Variants in ITGB5 observed in about 807,000 individuals in gnomAD.
The protein encoded by ITGB5 is integrin beta-5.
Under a neutral mutation model 84.8 loss-of-function variants are expected in ITGB5, and 38 were observed. The observed-to-expected ratio is 0.45, with a 90% CI of 0.35 to 0.59. ITGB5 has a LOEUF of 0.59. Among genes scored for constraint, ITGB5 ranks in the 20% least tolerant of loss-of-function variants. ITGB5 has a pLI of 0.01. For synonymous variants in ITGB5, 393 were observed against 414.4 expected (o/e 0.95, Z 0.63); for missense variants, 905 against 1,034.5 (o/e 0.87, Z 1.72).
intron 2 of ITGB5, among the ~76,000 whole-genome samples, chr3:124,864,683 T>TA (rs1295506368): frequency 6.6e-6 from 1 of 151,924 alleles, no homozygotes. Flanking sequence ...GCTCACTACT[T>TA]AGAGTGCAAT....
intron 2 of ITGB5, among the ~76,000 whole-genome samples, chr3:124,869,365 C>T (rs2065442163): frequency 6.6e-6 from 1 of 152,072 alleles, no homozygotes; most frequent in African/African-American, 2.4e-5. Flanking sequence ...CACTTGAGCC[C>T]AGGAGTTTGA....
chr3:124,817,525 A>G (rs2064623218), intron 8 of ITGB5, 96 bp downstream of exon 8: 3 of 643,648 alleles, frequency 4.7e-6, no homozygotes, highest in Non-Finnish European at 8.2e-6. Context: ...GAAGAGCAGC[A>G]CGGAGAACTG....
chr3:124,851,309 A>C (rs2107607359), intron 3 of ITGB5, among the ~76,000 whole-genome samples: 1 of 152,282 alleles, frequency 6.6e-6, no homozygotes, highest in East Asian at 1.9e-4. Context: ...AGGGATTAAA[A>C]GAGATAAACA....
intron 5 of ITGB5, among the ~76,000 whole-genome samples, chr3:124,838,107 T>C (rs1025416060): frequency 3.3e-5 from 5 of 151,510 alleles, no homozygotes; most frequent in East Asian, 1.9e-4. Flanking sequence ...GGAATACAAA[T>C]GCAACAAGAC....
intron 10 of ITGB5, among the ~76,000 whole-genome samples, chr3:124,786,056 C>T (rs1288511032): frequency 1.3e-5 from 2 of 152,108 alleles, no homozygotes; most frequent in Admixed American, 1.3e-4. Context: ...TTCAATTTTC[C>T]CCAATGTAAA....
chr3:124,767,328 C>CT lies in ITGB5; in HGVS notation c.2018-984dup, dbSNP rs1372084327. Among the ~76,000 whole-genome samples the CT allele has an allele frequency of 2.6e-5, 4 of 152,198 alleles. No homozygotes were observed. The South Asian group carries it at 6.2e-4, about 24-fold the overall frequency. Reference sequence around the variant, plus strand: ...TGGTTATCAGACACGAAAGCCTGGACTTTCTGTCTCAGCTCCCTTCTGGGC... The same window carrying CT: ...TGGTTATCAGACACGAAAGCCTGGACTTTTCTGTCTCAGCTCCCTTCTGGGC... On this transcript the variant is annotated intron_variant, in intron 12 of 14. Coordinates refer to ENST00000296181, the MANE Select transcript of ITGB5 (RefSeq NM_002213.5).
chr3:124,766,453 G>T (rs368511687), intron 12 of ITGB5, 108 bp from the exon 13 acceptor site: 4 of 1,348,530 alleles, frequency 3.0e-6, no homozygotes, highest in Admixed American at 2.2e-5. Context: ...GGCATGGGGG[G>T]TGTGGGCAGA....
chr3:124,796,880 G>A, intron 9 of ITGB5, 63 bp from the exon 10 acceptor site: 1 of 1,498,216 alleles, frequency 6.7e-7, no homozygotes, highest in Non-Finnish European at 9.0e-7. Context: ...CATTCACCCA[G>A]GGGCAGGGCC....
intron 5 of ITGB5, among the ~76,000 whole-genome samples, chr3:124,840,433 GT>G (rs72077875): frequency 3.8e-4 from 57 of 148,484 alleles, no homozygotes; most frequent in East Asian, 7.9e-4. Flanking sequence ...ATTTAAGAGT[GT>G]TTTTTTTTTG....
chr3:124,838,880 C>T (rs1461470522), intron 5 of ITGB5, among the ~76,000 whole-genome samples: 6 of 152,192 alleles, frequency 3.9e-5, no homozygotes, highest in Admixed American at 2.6e-4. Context: ...GGATTACAGG[C>T]GTGAGCCACC....
chr3:124,900,230 G>A (rs912073772), intron 1 of ITGB5, among the ~76,000 whole-genome samples: 1 of 152,182 alleles, frequency 6.6e-6, no homozygotes, highest in Non-Finnish European at 1.5e-5. Flanking sequence ...AATCCTGGCT[G>A]TGTCACTTCC....
chr3:124,819,547 T>C (rs1389530927), intron 7 of ITGB5, among the ~76,000 whole-genome samples, 192 bp downstream of exon 7: 1 of 152,248 alleles, frequency 6.6e-6, no homozygotes, highest in Admixed American at 6.5e-5. Context: ...AGATACTATA[T>C]GTTCAAATTT....
chr3:124,859,978 G>A, intron 2 of ITGB5, among the ~76,000 whole-genome samples: 1 of 152,118 alleles, frequency 6.6e-6, no homozygotes, highest in Non-Finnish European at 1.5e-5. Flanking sequence ...TGACATATAA[G>A]TAGCTGAAAA....
intron 10 of ITGB5, among the ~76,000 whole-genome samples, chr3:124,787,071 C>G (rs2064091911): frequency 6.6e-6 from 1 of 152,090 alleles, no homozygotes; most frequent in African/African-American, 2.4e-5. Flanking sequence ...TAGTACTTTC[C>G]TTTGCTTTTT....
intron 5 of ITGB5, among the ~76,000 whole-genome samples, chr3:124,838,823 G>A (rs1378080509): frequency 3.3e-5 from 5 of 152,096 alleles, no homozygotes; most frequent in African/African-American, 9.7e-5. Flanking sequence ...GGATGGTCTC[G>A]ATCTCCTGAC....
In ITGB5 at chr3:124,796,430, C is replaced by T. The variant is rs766689337; in HGVS notation, c.1651G>A (p.Asp551Asn). ...GKIYGPFCEC[D>N]NFSCARNKGV... Reference sequence around the variant, plus strand: ...TTGTTCCTGGCACAGGAGAAGTTGTCGCACTCACAGAAAGGCCCATAGATC... The same window carrying T: ...TTGTTCCTGGCACAGGAGAAGTTGTTGCACTCACAGAAAGGCCCATAGATC... The change falls in exon 10 of 15, where the codon GAC becomes AAC. Residue 551 changes from aspartate to asparagine, a missense_variant. Physicochemically the swap from Asp to Asn is conservative, Grantham distance 23 (BLOSUM62 1). Coordinates refer to ENST00000296181, the MANE Select transcript of ITGB5 (RefSeq NM_002213.5). 16 of 1,613,730 alleles carry T rather than the reference C, an allele frequency of 9.9e-6. No individual in the cohort carries two copies. The highest frequency in any genetic ancestry group is 5.0e-5 in the Admixed American group (3 of 59,988).
At chr3:124,822,207 C>A (rs775174284) in intron 5 of ITGB5, among the ~76,000 whole-genome samples, 1 of 152,218 alleles carries the variant, frequency 6.6e-6, no homozygotes, top group Non-Finnish European at 1.5e-5. Flanking sequence ...CACTGTGGTG[C>A]CAACTCTACA....
chr3:124,786,136 C>CA (rs1443213413), intron 10 of ITGB5, among the ~76,000 whole-genome samples: 2 of 152,056 alleles, frequency 1.3e-5, no homozygotes, highest in East Asian at 1.9e-4. Context: ...GCATGAGATG[C>CA]AAAAAAATCC....
Position 124,796,444 on chromosome 3 carries a change from G to T in ITGB5, c.1637C>A (p.Pro546His). 1 of 1,614,172 alleles carries T rather than the reference G, an allele frequency of 6.2e-7. No individual in the cohort carries two copies. The highest frequency in any genetic ancestry group is 8.5e-7 in the Non-Finnish European group (1 of 1,180,022). ...FESEFGKIYG[P>H]FCECDNFSCA... ...GGAGAAGTTGTCGCACTCACAGAAA[G>T]GCCCATAGATCTTGCCAAACTCGCT... Residue 546 changes from proline to histidine, a missense_variant, in exon 10 of 15, where the codon CCT becomes CAT. By Grantham distance (77) the Pro-to-His change is moderately conservative (BLOSUM62 -2). Transcript: ENST00000296181.
Sources: gnomAD v4.1 joint callset for allele counts (sites outside exome capture counted in the v4.1 genomes callset) on GRCh38, gnomAD v4.1.1 for gene constraint, MANE v1.5 for transcripts, NCBI Gene and HGNC (gene_info 2026-07-23, HGNC 2026-07-21) for gene names.